TENM3: variants seen among roughly 807,000 people sequenced by gnomAD.
TENM3 encodes the protein teneurin-3.
In TENM3, 63 loss-of-function variants were observed where a neutral mutation model predicts 255.1. The observed-to-expected ratio is 0.25, with a 90% confidence interval of 0.20 to 0.30. TENM3 has a LOEUF of 0.30. Among genes scored for constraint, TENM3 ranks in the 10% least tolerant of loss-of-function variants. The probability of loss-of-function intolerance (pLI) is 1.00; values close to 1 mark genes in which losing one functional copy is unlikely to be tolerated. For synonymous variants in TENM3, 1,306 were observed against 1,322.3 expected, an observed-to-expected ratio of 0.99 and a Z score of 0.27; for missense variants, 2,929 against 3,461.1, an observed-to-expected ratio of 0.85 and a Z score of 3.86.
At chr4:181,818,758 T>C in the TENM3 span, among the ~76,000 whole-genome samples, 92,268 of 151,732 alleles carry the variant, frequency 0.61, 28,643 homozygotes, top group Admixed American at 0.72. Flanking sequence ...TACAGGTGCC[T>C]GCCACCATGC....
intron 2 of TENM3, among the ~76,000 whole-genome samples, chr4:182,340,473 G>A (rs1020489758): frequency 2.6e-5 from 4 of 152,106 alleles, no homozygotes; most frequent in African/African-American, 9.7e-5. Flanking sequence ...GGGACCTTAA[G>A]GTATTTAGTG....
chr4:181,748,993 A>G, the TENM3 span, among the ~76,000 whole-genome samples: 1 of 152,148 alleles, frequency 6.6e-6, no homozygotes, highest in Non-Finnish European at 1.5e-5. Context: ...GACATTTATT[A>G]TAATGGTATA....
At chr4:182,324,358 C>T in intron 2 of TENM3, 106 bp downstream of exon 2, 1 of 814,112 alleles carries the variant, frequency 1.2e-6, no homozygotes, top group Non-Finnish European at 2.1e-6. Flanking sequence ...TTTGGCGTTC[C>T]ATCTGCTGAT....
At chr4:182,650,019 C>T (rs1323444817) in intron 5 of TENM3, among the ~76,000 whole-genome samples, 3 of 150,532 alleles carry the variant, frequency 2.0e-5, no homozygotes, top group African/African-American at 7.3e-5. Context: ...CTTAAACTCT[C>T]AACTAATCTC....
chr4:182,769,934 G>A (rs569604525), intron 22 of TENM3, among the ~76,000 whole-genome samples: 20 of 151,504 alleles, frequency 1.3e-4, no homozygotes, highest in East Asian at 3.9e-4. Flanking sequence ...GTGAAATCCC[G>A]TATCTACTAA....
chr4:182,318,863 G>T (rs67775091), intron 1 of TENM3, among the ~76,000 whole-genome samples: 21,868 of 152,078 alleles, frequency 0.14, 1,872 homozygotes, highest in Non-Finnish European at 0.19. Flanking sequence ...GAAGTCCTGG[G>T]CTCAAGCGAT....
At chr4:181,680,454 T>C in the TENM3 span, among the ~76,000 whole-genome samples, 1 of 152,122 alleles carries the variant, frequency 6.6e-6, no homozygotes, top group East Asian at 1.9e-4. Flanking sequence ...CCAGTCAAAC[T>C]ACAGGTCGAT....
At chr4:182,169,900 C>T (rs1471762597) in intron 1 of TENM3, among the ~76,000 whole-genome samples, 1 of 151,720 alleles carries the variant, frequency 6.6e-6, no homozygotes, top group Non-Finnish European at 1.5e-5. Flanking sequence ...TTTAATCTTA[C>T]CATCTGGTAG....
chr4:181,468,368 T>C, the TENM3 span, among the ~76,000 whole-genome samples: 2 of 152,210 alleles, frequency 1.3e-5, no homozygotes, highest in Non-Finnish European at 2.9e-5. Flanking sequence ...CTTCCTTTAT[T>C]TTCTTTTTTA....
the TENM3 span, among the ~76,000 whole-genome samples, chr4:182,090,277 A>C: frequency 6.6e-6 from 1 of 152,216 alleles, no homozygotes; most frequent in East Asian, 1.9e-4. Flanking sequence ...TGCTTTTACA[A>C]TTGATACGCA....
chr4:181,613,257 C>T, the TENM3 span, among the ~76,000 whole-genome samples: 2 of 152,160 alleles, frequency 1.3e-5, no homozygotes, highest in Admixed American at 6.5e-5. Context: ...CCTAGATTTG[C>T]AACTCAGTGT....
intron 3 of TENM3, among the ~76,000 whole-genome samples, chr4:182,581,024 T>G (rs1406541517): frequency 6.6e-6 from 1 of 152,226 alleles, no homozygotes; most frequent in Non-Finnish European, 1.5e-5. Flanking sequence ...CCTCTAATTT[T>G]ATTGTCATAC....
the TENM3 span, among the ~76,000 whole-genome samples, chr4:181,592,950 T>C: frequency 6.6e-6 from 1 of 152,122 alleles, no homozygotes; most frequent in Non-Finnish European, 1.5e-5. Context: ...ACAAAAGAAA[T>C]TATGGGATAG....
the TENM3 span, among the ~76,000 whole-genome samples, chr4:181,572,124 C>G: frequency 6.6e-6 from 1 of 152,146 alleles, no homozygotes; most frequent in Non-Finnish European, 1.5e-5. Flanking sequence ...AGTTTATAAG[C>G]ATTTTTCTAC....
the TENM3 span, among the ~76,000 whole-genome samples, chr4:181,504,510 C>T: frequency 4.9e-3 from 746 of 152,234 alleles, 7 homozygotes; most frequent in African/African-American, 0.017. Flanking sequence ...CTATTTTCTC[C>T]TATTGTCTCC....
intron 5 of TENM3, among the ~76,000 whole-genome samples, chr4:182,632,107 A>C (rs1344362270): frequency 6.6e-6 from 1 of 152,208 alleles, no homozygotes; most frequent in Admixed American, 6.5e-5. Context: ...CCATGTACAT[A>C]TACAGCTAGA....
the TENM3 span, among the ~76,000 whole-genome samples, chr4:182,066,126 G>A: frequency 6.1e-3 from 935 of 152,226 alleles, 4 homozygotes; most frequent in African/African-American, 0.021. Context: ...ATGCACAAGG[G>A]TTCCAATTTC....
chr4:182,656,061 A>G (rs893791073), intron 6 of TENM3, among the ~76,000 whole-genome samples: 1 of 152,322 alleles, frequency 6.6e-6, no homozygotes, highest in South Asian at 2.1e-4. Context: ...AGTTCCCCCA[A>G]GTGATCATAG....
At chr4:181,636,057 G>T in the TENM3 span, among the ~76,000 whole-genome samples, 2 of 151,790 alleles carry the variant, frequency 1.3e-5, no homozygotes, top group East Asian at 1.9e-4. Context: ...TTGTTTTTTG[G>T]TTTTTTTTGA....
Sources: gnomAD v4.1 joint callset for allele counts (sites outside exome capture counted in the v4.1 genomes callset) on GRCh38, gnomAD v4.1.1 for gene constraint, MANE v1.5 for transcripts, NCBI Gene and HGNC (gene_info 2026-07-23, HGNC 2026-07-21) for gene names.